HERC1: variants seen among roughly 807,000 people sequenced by gnomAD.
The protein encoded by HERC1 is HECT and RLD domain containing E3 ubiquitin protein ligase family member 1.
HERC1 carries 160 observed loss-of-function variants against 554.3 expected under a neutral mutation model. That is an observed-to-expected ratio of 0.29 (90% CI 0.25 to 0.33). The LOEUF is 0.33. Ranked by LOEUF, HERC1 falls within the 10% of genes least tolerant of loss-of-function variation. The pLI is 1.00. For synonymous variants in HERC1, 2,175 were observed against 2,131.7 expected (o/e 1.02, Z -0.56); for missense variants, 4,919 against 5,918.5 (o/e 0.83, Z 5.54).
intron 68 of HERC1, 195 bp downstream of exon 68, chr15:63,632,514 T>TGGGGAG: frequency 1.7e-5 from 11 of 658,314 alleles, no homozygotes; most frequent in Middle Eastern, 8.0e-4. Flanking sequence ...GGGGTCTTAA[T>TGGGGAG]GGGGAGGGGA....
At position 63,694,248 on chromosome 15, in the gene HERC1, G is replaced by A. The variant is rs2072280684; in HGVS notation, c.5480+64C>T. On this transcript the variant is annotated intron_variant, in intron 29 of 77. Transcript: ENST00000443617. This position sits in a 1 kb window ranked among gnomAD's most constrained non-coding sequence, Gnocchi z 4.3. Reference sequence around the variant, plus strand: ...CATAAAGCAGATTAGAGGGAAAGGGGGAATTCTAAAATGGAGGAAGACCAG... The same window carrying A: ...CATAAAGCAGATTAGAGGGAAAGGGAGAATTCTAAAATGGAGGAAGACCAG... 3.8e-6 allele frequency: 6 copies of A among 1,567,392 alleles called. No individual in the cohort carries two copies. The highest frequency in any genetic ancestry group is 4.3e-6 in the Non-Finnish European group (5 of 1,154,558).
At position 63,624,665 on chromosome 15, in the gene HERC1, C is replaced by T. The variant is rs1302213792; in HGVS notation, c.13276-338G>A. Among the ~76,000 whole-genome samples the T allele has an allele frequency of 3.3e-5, 5 of 152,154 alleles. No individual in the cohort carries two copies. In the East Asian group the frequency reaches 9.6e-4, roughly 29 times the overall value. ...GAGCTGAGATAATGCTACTGCACTC[C>T]AGCCTGGGCACAGAGTGAGACCCTG... On this transcript the variant is annotated intron_variant, in intron 71 of 77. Coordinates refer to ENST00000443617, the MANE Select transcript of HERC1 (RefSeq NM_003922.4).
intron 51 of HERC1, among the ~76,000 whole-genome samples, chr15:63,653,269 T>A (rs1305704349): frequency 6.6e-6 from 1 of 152,016 alleles, no homozygotes; most frequent in African/African-American, 2.4e-5. Flanking sequence ...GGAAAAACCC[T>A]GTCTCCACTA....
intron 74 of HERC1, among the ~76,000 whole-genome samples, chr15:63,621,290 ATTC>A (rs2068065442): frequency 6.6e-6 from 1 of 152,138 alleles, no homozygotes; most frequent in Non-Finnish European, 1.5e-5. Flanking sequence ...TGGGTTGAAA[ATTC>A]TTTTCTTTAA....
intron 12 of HERC1, among the ~76,000 whole-genome samples, chr15:63,744,137 T>TGTGTGG (rs1224132636): frequency 3.9e-5 from 2 of 50,792 alleles, no homozygotes; most frequent in African/African-American, 1.2e-4. Context: ...TGTGTGTGTG[T>TGTGTGG]GTGTGTGTGT....
chr15:63,830,001 CAATT>C (rs2078102141), intron 1 of HERC1, among the ~76,000 whole-genome samples: 1 of 151,778 alleles, frequency 6.6e-6, no homozygotes, highest in Admixed American at 6.6e-5. Context: ...TAAAGAATTC[CAATT>C]AATAAATGCA....
At position 63,743,249 on chromosome 15, in the gene HERC1, CTTTTTTTCTTTTTCT is replaced by C. The variant is rs1268882081; in HGVS notation, c.2520+3654_2520+3668del. On this transcript the variant is annotated intron_variant, in intron 12 of 77. Coordinates refer to ENST00000443617, the MANE Select transcript of HERC1 (RefSeq NM_003922.4). The stretch of plus-strand genomic sequence containing the variant: ...TCCTCTGTGTATTTTCTTTTTTTTT[CTTTTTTTCTTTTTCT>C]TTTTTTTTTTTTTTTTTAAATGGAG... 4.8e-5 allele frequency among the ~76,000 whole-genome samples: 6 copies of C among 125,470 alleles called. No individual in the cohort carries two copies. In the South Asian group the frequency reaches 1.5e-3, roughly 31 times the overall value. The allele number at this position is 125,470 out of a possible 152,430, so 82.3% of individuals were successfully genotyped here. A position where few individuals can be genotyped will look rare whatever the true frequency, so the allele number is the denominator to read the frequency against.
At chr15:63,762,994 G>A (rs545853616) in intron 3 of HERC1, among the ~76,000 whole-genome samples, 27 of 152,156 alleles carry the variant, frequency 1.8e-4, no homozygotes, top group South Asian at 8.3e-4. Context: ...TAGACCATGC[G>A]CCTGCCCTTT....
At chr15:63,796,894 A>G (rs527986543) in intron 1 of HERC1, among the ~76,000 whole-genome samples, 3 of 152,282 alleles carry the variant, frequency 2.0e-5, no homozygotes, top group African/African-American at 4.8e-5. Context: ...CAGATTGTAA[A>G]TGTTTCTTAT....
At chr15:63,627,254 C>T (rs1464355241) in intron 70 of HERC1, among the ~76,000 whole-genome samples, 1 of 152,076 alleles carries the variant, frequency 6.6e-6, no homozygotes, top group Non-Finnish European at 1.5e-5. Context: ...CTTAGGACCC[C>T]CCCTAAGAAA....
At chr15:63,739,605 G>A (rs1210437012) in intron 12 of HERC1, among the ~76,000 whole-genome samples, 3 of 151,888 alleles carry the variant, frequency 2.0e-5, no homozygotes, top group Non-Finnish European at 4.4e-5. Flanking sequence ...TTGGGAGGTC[G>A]AGGCAGGCAG....
chr15:63,635,837 T>C (rs2068755545), intron 65 of HERC1, 124 bp downstream of exon 65: 1 of 1,055,018 alleles, frequency 9.5e-7, no homozygotes, highest in Non-Finnish European at 1.4e-6. Context: ...CCAAAACCAA[T>C]GGATCTCTTA....
chr15:63,722,279 A>T (rs1410706627), intron 19 of HERC1, among the ~76,000 whole-genome samples: 1 of 152,242 alleles, frequency 6.6e-6, no homozygotes, highest in Non-Finnish European at 1.5e-5. Flanking sequence ...AATCTTCACC[A>T]GCACTCTAGA....
At chr15:63,714,453 T>A (rs2073444891) in intron 22 of HERC1, among the ~76,000 whole-genome samples, 2 of 152,140 alleles carry the variant, frequency 1.3e-5, no homozygotes, top group South Asian at 4.1e-4. Context: ...GTTAACAAGG[T>A]TCTGATGCAG....
intron 1 of HERC1, among the ~76,000 whole-genome samples, chr15:63,781,139 A>T (rs1271296766): frequency 7.9e-5 from 12 of 152,230 alleles, no homozygotes; most frequent in Non-Finnish European, 1.3e-4. Flanking sequence ...AAACTGTCAC[A>T]AACAGTTTTA....
chr15:63,620,915 G>A (rs1348907552), intron 74 of HERC1, among the ~76,000 whole-genome samples: 7 of 151,540 alleles, frequency 4.6e-5, no homozygotes, highest in Non-Finnish European at 8.8e-5. Context: ...TTTCCTGAAT[G>A]CAGCACACTG....
chr15:63,626,503 C>T (rs577439579), intron 70 of HERC1, among the ~76,000 whole-genome samples: 29 of 152,196 alleles, frequency 1.9e-4, no homozygotes, highest in African/African-American at 6.5e-4. Flanking sequence ...TAATAATTGT[C>T]ATCTTCATAA....
chr15:63,739,931 G>A (rs965105506), intron 12 of HERC1, among the ~76,000 whole-genome samples: 1 of 147,900 alleles, frequency 6.8e-6, no homozygotes, highest in Non-Finnish European at 1.5e-5. Context: ...TTTTTTTTCA[G>A]ACAGAGTCTC....
chr15:63,689,088 G>C (rs1296907959), intron 33 of HERC1, among the ~76,000 whole-genome samples: 1 of 152,192 alleles, frequency 6.6e-6, no homozygotes, highest in Non-Finnish European at 1.5e-5. Flanking sequence ...CACCAAAAAA[G>C]AGTTGCTTTC....
Sources: allele counts gnomAD v4.1 joint callset (sites outside exome capture counted in the v4.1 genomes callset), GRCh38; gene constraint gnomAD v4.1.1; non-coding constraint Gnocchi (gnomAD v3.1); transcripts MANE v1.5; gene names NCBI Gene and HGNC (gene_info 2026-07-23, HGNC 2026-07-21).